TUBGCP4: variants seen among roughly 807,000 people sequenced by gnomAD.
TUBGCP4 encodes the protein gamma-tubulin complex component 4.
In TUBGCP4, 54 loss-of-function variants were observed where a neutral mutation model predicts 91.6. The ratio of observed to expected loss-of-function variants is 0.59; its 90% CI spans 0.47 to 0.74. The LOEUF is 0.74. TUBGCP4 is among the 30% of genes least tolerant of loss of function. TUBGCP4 has a pLI of 0.00. For missense variants in TUBGCP4, 593 were observed against 800.9 expected (o/e 0.74, Z 3.13); for synonymous variants, 297 against 302.8 (o/e 0.98, Z 0.20).
At position 43,409,168 on chromosome 15, in the gene TUBGCP4, A is replaced by T. The variant is rs945648125; in HGVS notation, c.*3954A>T. ...AAGCTCCTAAGCAGCAGCCATAATG[A>T]GCCATGAAGAGCAGATCTGAAGACT... On this transcript the variant is annotated 3_prime_UTR_variant, in exon 18 of 18. Coordinates refer to ENST00000564079, the MANE Select transcript of TUBGCP4 (RefSeq NM_014444.5). 1.4e-6 allele frequency: 2 copies of T among 1,407,214 alleles called. No individual in the cohort carries two copies. Among genetic ancestry groups the T allele is most frequent in the African/African-American group, 2.8e-5 (2 of 70,796 alleles). The allele number at this position is 1,407,214 out of a possible 1,614,324, so 87.2% of individuals were successfully genotyped here. A position where few individuals can be genotyped will look rare whatever the true frequency, so the allele number is the denominator to read the frequency against.
chr15:43,399,185 C>A, intron 13 of TUBGCP4: 1 of 1,219,238 alleles, frequency 8.2e-7, no homozygotes, highest in Non-Finnish European at 1.1e-6. Context: ...GTAAATAAAT[C>A]CTATTCTACC....
rs1045644474 is a variant in TUBGCP4 at position 43,405,517 on chromosome 15, G to C, written c.*303G>C. 8 of 418,864 alleles carry C rather than the reference G, an allele frequency of 1.9e-5. No individual in the cohort carries two copies. Among genetic ancestry groups the C allele is most frequent in the Non-Finnish European group, 3.0e-5 (7 of 232,498 alleles). 25.9% of individuals were successfully genotyped at this position (418,864 alleles called of 1,614,324 possible). A position where few individuals can be genotyped will look rare whatever the true frequency, so the allele number is the denominator to read the frequency against. The stretch of plus-strand genomic sequence containing the variant: ...TATTGAGCACCTACTACGTACCTTG[G>C]TACTGTTCAAGCTGTGGGAGATACA... On this transcript the variant is annotated 3_prime_UTR_variant, in exon 18 of 18. Transcript: ENST00000564079.
chr15:43,394,827 T>C, intron 9 of TUBGCP4: 1 of 439,318 alleles, frequency 2.3e-6, no homozygotes, highest in Non-Finnish European at 4.1e-6. Flanking sequence ...GTAAGTTTCC[T>C]GAGGCCTCCC....
Position 43,399,103 on chromosome 15 carries a change from T to C in TUBGCP4, c.1418+924T>C. On this transcript the variant is annotated intron_variant, in intron 13 of 17. Coordinates refer to ENST00000564079, the MANE Select transcript of TUBGCP4 (RefSeq NM_014444.5). ...AAGGTCTATCATTTCATTATGTTTG[T>C]TCCTTTAGAAATAGACAATTTTAAA... 3.1e-6 allele frequency: 4 copies of C among 1,273,792 alleles called. No homozygotes were observed. In the African/African-American group the frequency reaches 4.6e-5, roughly 15 times the overall value. The allele number at this position is 1,273,792 out of a possible 1,614,324, so 78.9% of individuals were successfully genotyped here. A position where few individuals can be genotyped will look rare whatever the true frequency, so the allele number is the denominator to read the frequency against.
At chr15:43,372,669 CCTTT>C (rs2044142320) in intron 1 of TUBGCP4, among the ~76,000 whole-genome samples, 1 of 152,146 alleles carries the variant, frequency 6.6e-6, no homozygotes, top group Admixed American at 6.5e-5. Flanking sequence ...CTTTTCCCTT[CCTTT>C]CTTTCTTATG....
At chr15:43,397,160 T>G in intron 11 of TUBGCP4, 54 bp from the exon 12 acceptor site, 1 of 1,319,114 alleles carries the variant, frequency 7.6e-7, no homozygotes. Context: ...TGGAGGAGTC[T>G]GGGTTTGTTA....
chr15:43,393,808 G>A (rs915929626), intron 9 of TUBGCP4, among the ~76,000 whole-genome samples: 2 of 152,090 alleles, frequency 1.3e-5, no homozygotes, highest in South Asian at 2.1e-4. Context: ...AGTATTCCAT[G>A]GTGTATATGT....
At position 43,409,065 on chromosome 15, in the gene TUBGCP4, G is replaced by T; in HGVS notation, c.*3851G>T. The T allele has an allele frequency of 6.2e-7, 1 of 1,614,168 alleles. No individual in the cohort carries two copies. The highest frequency in any genetic ancestry group is 8.5e-7 in the Non-Finnish European group (1 of 1,180,014). ...CTTCCGGGTTCGACAATGCTGATCC[G>T]CAATTAGAAGACACTGGTAAGCTGT... On this transcript the variant is annotated 3_prime_UTR_variant, in exon 18 of 18. Transcript: ENST00000564079.
Position 43,409,717 on chromosome 15 carries a change from T to C in TUBGCP4, c.*4503T>C, listed in dbSNP as rs2045048456. The C allele has an allele frequency of 1.9e-6, 3 of 1,559,338 alleles. No homozygotes were observed. Among genetic ancestry groups the C allele is most frequent in the East Asian group, 2.3e-5 (1 of 43,450 alleles). ...AAGCTGGGATTCTGTATACTGCTTG[T>C]TGAAAGGAGGAATTTCCAAAAATTC... On this transcript the variant is annotated 3_prime_UTR_variant, in exon 18 of 18. Transcript: ENST00000564079.
chr15:43,395,210 G>T (rs2044561329), intron 10 of TUBGCP4, 53 bp downstream of exon 10: 1 of 1,594,952 alleles, frequency 6.3e-7, no homozygotes, highest in African/African-American at 1.3e-5. Flanking sequence ...GCAGTGACTT[G>T]CATTCTCTGA....
intron 13 of TUBGCP4, chr15:43,399,282 G>T: frequency 2.2e-6 from 1 of 447,302 alleles, no homozygotes; most frequent in Non-Finnish European, 3.4e-6. Flanking sequence ...GGAGGCAGGA[G>T]CGGGAGTCTG....
At position 43,371,381 on chromosome 15, in the gene TUBGCP4, G is replaced by C. The variant is rs372359215; in HGVS notation, c.27G>C (p.Leu9=). The change falls in exon 1 of 18, where the codon CTG becomes CTC. Residue 9 remains leucine (L), a synonymous_variant. Coordinates refer to ENST00000564079, the MANE Select transcript of TUBGCP4 (RefSeq NM_014444.5). ...TGATCCACGAACTGCTCTTGGCTCT[G>C]AGCGGGTACCCTGGGTCCATTTTCA... MIHELLLA[L]SGYPGSIFTW... 11 of 1,613,964 alleles carry C rather than the reference G, an allele frequency of 6.8e-6. No individual in the cohort carries two copies. The African/African-American group carries it at 1.5e-4, about 22-fold the overall frequency.
chr15:43,395,938 T>C (rs1409651726), intron 11 of TUBGCP4, among the ~76,000 whole-genome samples: 2 of 152,200 alleles, frequency 1.3e-5, no homozygotes, highest in Non-Finnish European at 2.9e-5. Flanking sequence ...TCTCATTGGA[T>C]TATAGCCATA....
rs189188470 is a variant in TUBGCP4 at position 43,405,909 on chromosome 15, A to G, written c.*695A>G. The G allele has an allele frequency of 2.7e-4, 41 of 152,120 alleles. No individual in the cohort carries two copies. Among genetic ancestry groups the G allele is most frequent in the Admixed American group, 2.6e-3 (40 of 15,238 alleles). 9.4% of individuals were successfully genotyped at this position (152,120 alleles called of 1,614,324 possible). The stretch of plus-strand genomic sequence containing the variant: ...ACAAAAATTAGCCAGGTGTGGTGGC[A>G]TGTGCCTGTAATCCCAGCTACTCAG... On this transcript the variant is annotated 3_prime_UTR_variant, in exon 18 of 18. Transcript: ENST00000564079.
At chr15:43,392,063 A>G (rs947106953) in intron 9 of TUBGCP4, among the ~76,000 whole-genome samples, 2 of 146,976 alleles carry the variant, frequency 1.4e-5, no homozygotes, top group African/African-American at 5.2e-5. Context: ...TCAAAATAAA[A>G]TAAAATAGAG....
Position 43,405,319 on chromosome 15 carries a change from A to G in TUBGCP4, c.*105A>G, listed in dbSNP as rs775445067. ...ACACACAAATAAATATCTGCGGCTT[A>G]GTGATAGGACTCTACCTTTTCTCCT... On this transcript the variant is annotated 3_prime_UTR_variant, in exon 18 of 18. Transcript: ENST00000564079. 172 of 1,318,568 alleles carry G rather than the reference A, an allele frequency of 1.3e-4. 1 individual carries two copies. The highest frequency in any genetic ancestry group is 1.8e-4 in the Non-Finnish European group (162 of 919,448). The allele number at this position is 1,318,568 out of a possible 1,614,324, so 81.7% of individuals were successfully genotyped here.
chr15:43,395,085 G>A, intron 9 of TUBGCP4, 22 bp from the exon 10 acceptor site: 4 of 1,613,984 alleles, frequency 2.5e-6, no homozygotes, highest in Non-Finnish European at 3.4e-6. Flanking sequence ...ATTTGTCCCT[G>A]TTTTGTTGGT....
In TUBGCP4 at chr15:43,408,837, TC is replaced by T; in HGVS notation, c.*3626del. ...CTTTACTCTCTCACCTAGATTCTCT[TC>T]CCTCCAAAGCTTGCTGTCCTCCTGC... On this transcript the variant is annotated 3_prime_UTR_variant, in exon 18 of 18. Transcript: ENST00000564079. 1 of 1,537,076 alleles carries T rather than the reference TC, an allele frequency of 6.5e-7. No homozygotes were observed. Among genetic ancestry groups the T allele is most frequent in the Non-Finnish European group, 9.0e-7 (1 of 1,112,010 alleles).
At chr15:43,385,274 A>G in intron 7 of TUBGCP4, 2 of 447,776 alleles carry the variant, frequency 4.5e-6, no homozygotes, top group Middle Eastern at 3.9e-4. Flanking sequence ...ATGAAATGTT[A>G]TATGTCTGTA....
Sources: allele counts gnomAD v4.1 joint callset (sites outside exome capture counted in the v4.1 genomes callset), GRCh38; gene constraint gnomAD v4.1.1; transcripts MANE v1.5; gene names NCBI Gene and HGNC (gene_info 2026-07-23, HGNC 2026-07-21).